The following UTP18 variants were observed in gnomAD, a reference collection of about 807,000 sequenced individuals.
UTP18 encodes UTP18 small subunit processome component, also known as U3 small nucleolar RNA-associated protein 18 homolog.
A neutral mutation model predicts 61.1 loss-of-function variants in UTP18; 36 were observed. The ratio of observed to expected loss-of-function variants is 0.59; its 90% confidence interval spans 0.45 to 0.78. The LOEUF (loss-of-function observed/expected upper bound fraction) is 0.78. Among genes scored for constraint, UTP18 ranks in the 30% least tolerant of loss-of-function variants. The probability of loss-of-function intolerance (pLI) is 0.00; values close to 1 mark genes in which losing one functional copy is unlikely to be tolerated. For missense variants in UTP18, 753 were observed against 693.9 expected, an observed-to-expected ratio of 1.09 and a Z score of -0.96; for synonymous variants, 282 against 251.1, an observed-to-expected ratio of 1.12 and a Z score of -1.16.
At chr17:51,285,618 A>G (rs1905081117) in intron 10 of UTP18, among the ~76,000 whole-genome samples, 1 of 152,244 alleles carries the variant, frequency 6.6e-6, no homozygotes, top group Non-Finnish European at 1.5e-5. Context: ...GTTAATCACA[A>G]TCTGAAATCT....
intron 3 of UTP18, among the ~76,000 whole-genome samples, chr17:51,267,692 C>T (rs561476036): frequency 6.6e-6 from 1 of 152,224 alleles, no homozygotes; most frequent in Admixed American, 6.5e-5. Flanking sequence ...CACTGCCCCT[C>T]AAAGTCCAGT....
intron 2 of UTP18, 149 bp downstream of exon 2, chr17:51,263,535 A>C: frequency 1.5e-6 from 1 of 655,720 alleles, no homozygotes. Context: ...ATGGTTCCTG[A>C]TCCCACCACC....
chr17:51,297,695 G>C (rs1195059667), intron 13 of UTP18, 87 bp from the exon 14 acceptor site: 1 of 422,560 alleles, frequency 2.4e-6, no homozygotes, highest in Non-Finnish European at 4.6e-6. Flanking sequence ...TAGCTCTCCT[G>C]TCTCAAAAGA....
At chr17:51,295,604 CT>C in intron 12 of UTP18, among the ~76,000 whole-genome samples, 1 of 152,078 alleles carries the variant, frequency 6.6e-6, no homozygotes. Context: ...TTACTGTAGC[CT>C]TGTAGTATAG....
At chr17:51,296,737 C>T in intron 12 of UTP18, 1 of 464,832 alleles carries the variant, frequency 2.2e-6, no homozygotes, top group South Asian at 3.4e-5. Context: ...TTTCATAGAC[C>T]CCCCATGTGA....
At chr17:51,281,000 A>T (rs535634471) in intron 9 of UTP18, among the ~76,000 whole-genome samples, 1 of 151,862 alleles carries the variant, frequency 6.6e-6, no homozygotes, top group South Asian at 2.1e-4. Flanking sequence ...CAACATGGTA[A>T]GACCCTGTCT....
Position 51,266,186 on chromosome 17 carries a change from G to T in UTP18, c.460G>T (p.Asp154Tyr). Residue 154 changes from aspartate to tyrosine, a missense_variant, in exon 3 of 14, where the codon GAC (aspartate) becomes TAC (tyrosine). Transcript: ENST00000225298. ...DEEDEDEEMV[D>Y]MMNNRFRKDM... ...TATGCTGTTCTGTTTTTGTAGGGTT[G>T]ACATGATGAACAATCGGTTTCGGAA... The T allele has an allele frequency of 1.3e-6, 2 of 1,586,120 alleles. No individual in the cohort carries two copies. Among genetic ancestry groups the T allele is most frequent in the South Asian group, 2.3e-5 (2 of 85,636 alleles).
chr17:51,275,995 T>C lies in UTP18; in HGVS notation c.837+4T>C. 1 of 1,595,378 alleles carries C rather than the reference T, an allele frequency of 6.3e-7. No individual in the cohort carries two copies. The highest frequency in any genetic ancestry group is 8.5e-7 in the Non-Finnish European group (1 of 1,174,572). ...TAATGCTGTATCACTATTTCAGGTATGCATCTTTATTTACTTATTTATTTC... is the reference window on the plus strand; with the variant it reads ...TAATGCTGTATCACTATTTCAGGTACGCATCTTTATTTACTTATTTATTTC... On this transcript the variant is annotated splice_donor_region_variant and intron_variant, in intron 6 of 13. Coordinates refer to ENST00000225298, the MANE Select transcript of UTP18 (RefSeq NM_016001.3).
chr17:51,273,342 T>C lies in UTP18; in HGVS notation c.623-20T>C. On this transcript the variant is annotated intron_variant, in intron 4 of 13. Coordinates refer to ENST00000225298, the MANE Select transcript of UTP18 (RefSeq NM_016001.3). ...GCTCATTGATTCTAAAGATCAGCCT[T>C]CTGGGTTTGTTTGACTTAGATGAAA... 1.3e-6 allele frequency: 2 copies of C among 1,589,928 alleles called. No homozygotes were observed. The highest frequency in any genetic ancestry group is 8.6e-7 in the Non-Finnish European group (1 of 1,166,572).
At chr17:51,284,801 C>T (rs1905051250) in intron 9 of UTP18, among the ~76,000 whole-genome samples, 1 of 152,150 alleles carries the variant, frequency 6.6e-6, no homozygotes, top group East Asian at 1.9e-4. Context: ...TGGCTCACAC[C>T]TGTAATCCCA....
Position 51,268,940 on chromosome 17 carries a change from A to C in UTP18, c.622+36A>C, listed in dbSNP as rs779045219. 3.8e-6 allele frequency: 6 copies of C among 1,587,430 alleles called. No homozygotes were observed. The South Asian group carries it at 6.6e-5, about 18-fold the overall frequency. On this transcript the variant is annotated intron_variant, in intron 4 of 13. Transcript: ENST00000225298. ...ATATTTCTGTTTAAATTAGTACATAAGTCCCTGTTCCTGTTCGTTATTATT... is the reference window on the plus strand; with the variant it reads ...ATATTTCTGTTTAAATTAGTACATACGTCCCTGTTCCTGTTCGTTATTATT...
intron 9 of UTP18, among the ~76,000 whole-genome samples, chr17:51,282,692 T>TA (rs1284247147): frequency 2.0e-5 from 3 of 152,220 alleles, no homozygotes; most frequent in Non-Finnish European, 4.4e-5. Context: ...GACGCAGATA[T>TA]AATGTATTTA....
intron 4 of UTP18, among the ~76,000 whole-genome samples, chr17:51,270,169 T>A (rs75230618): frequency 6.6e-6 from 1 of 152,174 alleles, no homozygotes; most frequent in Non-Finnish European, 1.5e-5. Context: ...TTTTTCCCCT[T>A]CTTCCCTTTT....
intron 4 of UTP18, among the ~76,000 whole-genome samples, 162 bp downstream of exon 4, chr17:51,269,066 C>T (rs538074475): frequency 6.6e-6 from 1 of 152,086 alleles, no homozygotes; most frequent in East Asian, 1.9e-4. Flanking sequence ...GCGGGTGGAT[C>T]GCTTGAGTCC....
chr17:51,272,007 A>C (rs1904546632), intron 4 of UTP18, among the ~76,000 whole-genome samples: 1 of 152,034 alleles, frequency 6.6e-6, no homozygotes, highest in South Asian at 2.1e-4. Flanking sequence ...TTTCAGCTCT[A>C]GAATTTCTTT....
In UTP18 at chr17:51,260,903, C is replaced by A. The variant is rs535265870; in HGVS notation, c.319C>A (p.Leu107Met). 1 of 1,590,732 alleles carries A rather than the reference C, an allele frequency of 6.3e-7. No homozygotes were observed. ...CGTCGAGAACGACGAGGACGCGTTG[C>A]TGCGGCGTCTGCGAGGCCCGAGGGT... ...GDVENDEDAL[L>M]RRLRGPRVQE... The change falls in exon 1 of 14, where the codon CTG becomes ATG. Residue 107 changes from leucine (L) to methionine (M), a missense_variant. Coordinates refer to ENST00000225298, the MANE Select transcript of UTP18 (RefSeq NM_016001.3).
At position 51,279,809 on chromosome 17, in the gene UTP18, G is replaced by A. The variant is rs937197920; in HGVS notation, c.1013-196G>A. On this transcript the variant is annotated intron_variant, in intron 7 of 13. Transcript: ENST00000225298. ...AGGACAAAGAAGAGAAGTTTGTTAAGTGCTTTGTAGTGACCTTATGTTTGG... is the reference window on the plus strand; with the variant it reads ...AGGACAAAGAAGAGAAGTTTGTTAAATGCTTTGTAGTGACCTTATGTTTGG... Among the ~76,000 whole-genome samples, 3 of 152,306 alleles carry A rather than the reference G, an allele frequency of 2.0e-5. No individual in the cohort carries two copies. The South Asian group carries it at 6.2e-4, about 32-fold the overall frequency.
chr17:51,279,688 A>G (rs1904847264), intron 7 of UTP18, among the ~76,000 whole-genome samples: 1 of 152,216 alleles, frequency 6.6e-6, no homozygotes, highest in Admixed American at 6.5e-5. Context: ...TTAGTAAATT[A>G]GAGGTATTAC....
intron 2 of UTP18, among the ~76,000 whole-genome samples, chr17:51,264,578 T>A (rs1481861252): frequency 2.1e-5 from 3 of 144,606 alleles, no homozygotes; most frequent in Non-Finnish European, 3.0e-5. Flanking sequence ...AGTCCATTCT[T>A]AGACACAATG....
Sources: allele counts gnomAD v4.1 joint callset (sites outside exome capture counted in the v4.1 genomes callset), GRCh38; gene constraint gnomAD v4.1.1; transcripts MANE v1.5; gene names NCBI Gene and HGNC (gene_info 2026-07-23, HGNC 2026-07-21).